Variants in NUFIP1 observed in about 807,000 individuals in gnomAD.
NUFIP1 encodes the protein nuclear FMR1 interacting protein 1, also known as FMR1-interacting protein NUFIP1.
Under a neutral mutation model 56.2 loss-of-function variants are expected in NUFIP1, and 38 were observed. The observed-to-expected ratio is 0.68, with a 90% CI of 0.52 to 0.89. NUFIP1 has a LOEUF of 0.89. Among genes scored for constraint, NUFIP1 ranks in the 40% least tolerant of loss-of-function variants. NUFIP1 has a pLI of 0.00. For synonymous variants in NUFIP1, 215 were observed against 212.4 expected, an observed-to-expected ratio of 1.01 and a Z score of -0.10; for missense variants, 567 against 605.8, an observed-to-expected ratio of 0.94 and a Z score of 0.67.
Position 44,953,235 on chromosome 13 carries a change from G to A in NUFIP1, c.1022-3397C>T, listed in dbSNP as rs543016045. On this transcript the variant is annotated intron_variant, in intron 7 of 9. Coordinates refer to ENST00000379161, the MANE Select transcript of NUFIP1 (RefSeq NM_012345.3). ...AAGTAAGGAATATCAAAGAATTTTC[G>A]ACATATGTTAAAACCATGGTAATTA... 1.2e-4 allele frequency among the ~76,000 whole-genome samples: 18 copies of A among 152,140 alleles called. No homozygotes were observed. The South Asian group carries it at 2.5e-3, about 21-fold the overall frequency.
At chr13:44,961,921 G>A (rs934525667) in intron 6 of NUFIP1, among the ~76,000 whole-genome samples, 19 of 152,322 alleles carry the variant, frequency 1.2e-4, no homozygotes, top group South Asian at 8.3e-4. Flanking sequence ...AGAAAGTAGT[G>A]TATCTGTTAT....
chr13:44,951,090 T>C (rs1224022319), intron 7 of NUFIP1, among the ~76,000 whole-genome samples: 1 of 152,136 alleles, frequency 6.6e-6, no homozygotes, highest in African/African-American at 2.4e-5. Context: ...ATCACACCTA[T>C]AAAAGTACTC....
At chr13:44,957,565 T>C (rs753565321) in intron 7 of NUFIP1, among the ~76,000 whole-genome samples, 3 of 152,142 alleles carry the variant, frequency 2.0e-5, no homozygotes, top group Non-Finnish European at 4.4e-5. Flanking sequence ...TTTCTACCAA[T>C]AAGGATGAGA....
intron 5 of NUFIP1, among the ~76,000 whole-genome samples, chr13:44,978,383 A>G (rs1254223722): frequency 6.6e-6 from 1 of 152,014 alleles, no homozygotes; most frequent in Non-Finnish European, 1.5e-5. Flanking sequence ...TTTTCATCCC[A>G]GGCTCTCTTC....
At chr13:44,947,971 T>C (rs973784106) in intron 8 of NUFIP1, among the ~76,000 whole-genome samples, 2 of 152,136 alleles carry the variant, frequency 1.3e-5, no homozygotes, top group Admixed American at 6.5e-5. Context: ...TAGTAAGCCA[T>C]GGCCCACTTA....
At chr13:44,966,957 A>C (rs1448078139) in intron 5 of NUFIP1, among the ~76,000 whole-genome samples, 1 of 151,672 alleles carries the variant, frequency 6.6e-6, no homozygotes, top group Non-Finnish European at 1.5e-5. Context: ...TAGGTGACAG[A>C]GCAAGACTCC....
intron 8 of NUFIP1, among the ~76,000 whole-genome samples, chr13:44,946,036 A>G (rs1209919339): frequency 6.6e-6 from 1 of 152,094 alleles, no homozygotes; most frequent in Non-Finnish European, 1.5e-5. Flanking sequence ...TGGGCAAGCT[A>G]CTTATCTCTA....
At chr13:44,979,299 G>A (rs1206243782) in intron 4 of NUFIP1, 33 bp from the exon 5 acceptor site, 1 of 1,562,412 alleles carries the variant, frequency 6.4e-7, no homozygotes, top group Non-Finnish European at 8.8e-7. Context: ...ACATCAGGAG[G>A]CAATATCATA....
intron 7 of NUFIP1, among the ~76,000 whole-genome samples, chr13:44,955,926 G>A (rs1205594638): frequency 1.3e-5 from 2 of 151,666 alleles, no homozygotes; most frequent in Admixed American, 6.6e-5. Context: ...GGTGGATCAC[G>A]AGGTCAGGAG....
At chr13:44,978,937 G>T (rs1593369622) in intron 5 of NUFIP1, among the ~76,000 whole-genome samples, 1 of 152,098 alleles carries the variant, frequency 6.6e-6, no homozygotes, top group African/African-American at 2.4e-5. Context: ...CTCAACCACT[G>T]AACATCTGAC....
rs149740210 is a variant in NUFIP1 at position 44,959,389 on chromosome 13, C to T, written c.1013G>A (p.Ser338Asn). The change falls in exon 7 of 10, where the codon AGT becomes AAT. Residue 338 changes from serine (S) to asparagine (N), a missense_variant. Transcript: ENST00000379161. Reference protein sequence around the residue: ...NADPLGVLINSDSESDKEEKP... With the variant: ...NADPLGVLINNDSESDKEEKP... ...TTTCCTGTTTAGCTTACCAGAATCACTGTTTATCAAAACACCAAGAGGATC... is the reference window on the plus strand; with the variant it reads ...TTTCCTGTTTAGCTTACCAGAATCATTGTTTATCAAAACACCAAGAGGATC... 2.0e-4 allele frequency: 324 copies of T among 1,612,942 alleles called. No homozygotes were observed. Among genetic ancestry groups the T allele is most frequent in the Non-Finnish European group, 2.6e-4 (308 of 1,179,722 alleles).
At chr13:44,983,397 G>A (rs1179055194) in intron 1 of NUFIP1, among the ~76,000 whole-genome samples, 2 of 151,620 alleles carry the variant, frequency 1.3e-5, no homozygotes, top group African/African-American at 2.4e-5. Flanking sequence ...GGCTGGTCTC[G>A]AACTCCTGAC....
chr13:44,943,330 G>A, intron 9 of NUFIP1, 112 bp downstream of exon 9: 2 of 862,606 alleles, frequency 2.3e-6, no homozygotes, highest in Non-Finnish European at 3.7e-6. Flanking sequence ...AGGTCAATGT[G>A]TCTCTGGTAA....
chr13:44,981,931 C>CATAAAACATAAAACATGTTTAAT (rs1555252760), intron 2 of NUFIP1, 141 bp downstream of exon 2: 6 of 395,480 alleles, frequency 1.5e-5, no homozygotes, highest in African/African-American at 4.2e-5. Flanking sequence ...TCATGTTTAA[C>CATAAAACATAAAACATGTTTAAT]CATAAAATTC....
chr13:44,986,434 A>G (rs935125596), intron 1 of NUFIP1, among the ~76,000 whole-genome samples: 11 of 152,006 alleles, frequency 7.2e-5, no homozygotes, highest in African/African-American at 2.7e-4. Flanking sequence ...GCTCACGCCT[A>G]TAATCCCAAC....
intron 7 of NUFIP1, 138 bp downstream of exon 7, chr13:44,959,243 T>C: frequency 1.2e-6 from 1 of 813,918 alleles, no homozygotes; most frequent in South Asian, 1.9e-5. Context: ...GATGCTCCTA[T>C]TAAAAACAAA....
At chr13:44,944,396 C>G (rs901647839) in intron 8 of NUFIP1, among the ~76,000 whole-genome samples, 1 of 151,996 alleles carries the variant, frequency 6.6e-6, no homozygotes, top group Admixed American at 6.5e-5. Context: ...GGGGTCAATT[C>G]GTCAATAAGA....
At chr13:44,977,456 A>T (rs1349521987) in intron 5 of NUFIP1, among the ~76,000 whole-genome samples, 1 of 152,202 alleles carries the variant, frequency 6.6e-6, no homozygotes, top group Non-Finnish European at 1.5e-5. Flanking sequence ...TTTCTTATCA[A>T]CAAAGGAAGT....
intron 8 of NUFIP1, among the ~76,000 whole-genome samples, chr13:44,948,476 T>C (rs978711823): frequency 2.0e-5 from 3 of 152,152 alleles, no homozygotes; most frequent in East Asian, 1.9e-4. Context: ...CTTCATTCTA[T>C]ATAAACACTT....
Sources: gnomAD v4.1 joint callset for allele counts (sites outside exome capture counted in the v4.1 genomes callset) on GRCh38, gnomAD v4.1.1 for gene constraint, MANE v1.5 for transcripts, NCBI Gene and HGNC (gene_info 2026-07-23, HGNC 2026-07-21) for gene names.